Variants in PARM1 observed in about 807,000 individuals in gnomAD.
The protein encoded by PARM1 is WSC4, cell wall integrity and stress response component 4 homolog.
Under a neutral mutation model 24.6 loss-of-function variants are expected in PARM1, and 14 were observed. The observed-to-expected ratio is 0.57, with a 90% CI of 0.38 to 0.89. The LOEUF is 0.89. Among genes scored for constraint, PARM1 ranks in the 40% least tolerant of loss-of-function variants. The probability of loss-of-function intolerance (pLI) is 0.00; values close to 1 mark genes in which losing one functional copy is unlikely to be tolerated. For missense variants in PARM1, 362 were observed against 380.4 expected, an observed-to-expected ratio of 0.95 and a Z score of 0.40; for synonymous variants, 179 against 156.6, an observed-to-expected ratio of 1.14 and a Z score of -1.07.
Position 75,047,822 on chromosome 4 carries a change from G to A in PARM1, c.*1575G>A, listed in dbSNP as rs890289. 0.14 allele frequency: 20,838 copies of A among 152,076 alleles called. 2,062 individuals carry two copies. The highest frequency in any genetic ancestry group is 0.28 in the African/African-American group (11,468 of 41,422). The allele number at this position is 152,076 out of a possible 1,614,324, so 9.4% of individuals were successfully genotyped here. A position where few individuals can be genotyped will look rare whatever the true frequency, so the allele number is the denominator to read the frequency against. On this transcript the variant is annotated 3_prime_UTR_variant, in exon 4 of 4. Transcript: ENST00000307428. ...TATTTCCAAAGTGTTTAGTTTATTG[G>A]CTGATGGGTTGTTCTTGGTATGCAT...
rs1722612055 is a variant in PARM1 at position 74,998,236 on chromosome 4, G to A, written c.44-14189G>A. ...GAGGTTGGTTAACAAATGAAGCACC[G>A]AAGATGGTGTTTATGTGGCTGTGTG... On this transcript the variant is annotated intron_variant, in intron 1 of 3. Coordinates refer to ENST00000307428, the MANE Select transcript of PARM1 (RefSeq NM_015393.4). Among the ~76,000 whole-genome samples the A allele has an allele frequency of 2.0e-5, 3 of 152,262 alleles. No individual in the cohort carries two copies. In the South Asian group the frequency reaches 6.2e-4, roughly 32 times the overall value.
chr4:74,978,433 C>G (rs1033183595), intron 1 of PARM1, among the ~76,000 whole-genome samples: 1 of 152,054 alleles, frequency 6.6e-6, no homozygotes, highest in African/African-American at 2.4e-5. Flanking sequence ...ATATTTGCAC[C>G]CAATACAGGA....
chr4:75,005,685 G>A (rs927855404), intron 1 of PARM1, among the ~76,000 whole-genome samples: 1 of 152,180 alleles, frequency 6.6e-6, no homozygotes, highest in Non-Finnish European at 1.5e-5. Context: ...TATAATAGTG[G>A]TCTCCCCATA....
intron 2 of PARM1, among the ~76,000 whole-genome samples, chr4:75,013,766 T>C (rs1052633607): frequency 2.6e-5 from 4 of 152,226 alleles, no homozygotes; most frequent in African/African-American, 9.6e-5. Context: ...GGAAAGACAA[T>C]AAATTTTACA....
chr4:75,030,319 C>G (rs536485651), intron 2 of PARM1, among the ~76,000 whole-genome samples: 3 of 152,180 alleles, frequency 2.0e-5, no homozygotes, highest in Non-Finnish European at 4.4e-5. Context: ...CCTTAACTTC[C>G]TCATCTATAA....
chr4:74,984,475 A>T (rs1404097361), intron 1 of PARM1, among the ~76,000 whole-genome samples: 1 of 152,228 alleles, frequency 6.6e-6, no homozygotes, highest in African/African-American at 2.4e-5. Context: ...CATGTCGGGA[A>T]GCCTGACATA....
intron 2 of PARM1, among the ~76,000 whole-genome samples, chr4:75,028,193 T>TTC (rs1360603819): frequency 6.6e-6 from 1 of 152,232 alleles, no homozygotes; most frequent in African/African-American, 2.4e-5. Flanking sequence ...TGTCGTTGAT[T>TTC]TCTCCTGCTA....
chr4:75,025,352 G>A (rs147774733), intron 2 of PARM1, among the ~76,000 whole-genome samples: 353 of 152,298 alleles, frequency 2.3e-3, no homozygotes, highest in African/African-American at 8.2e-3. Flanking sequence ...GTTCTAAGGT[G>A]GAAGACAGCT....
intron 1 of PARM1, among the ~76,000 whole-genome samples, chr4:75,006,299 C>G (rs893990256): frequency 6.9e-6 from 1 of 144,080 alleles, no homozygotes; most frequent in Non-Finnish European, 1.5e-5. Flanking sequence ...CCCCTCCCCC[C>G]ACCCTACGGC....
chr4:74,934,103 G>A (rs781642506), intron 1 of PARM1, among the ~76,000 whole-genome samples: 2 of 152,130 alleles, frequency 1.3e-5, no homozygotes, highest in Admixed American at 6.5e-5. Flanking sequence ...CTCGGGTTTC[G>A]GGACCACAGA....
Position 74,984,641 on chromosome 4 carries a change from A to G in PARM1, c.44-27784A>G, listed in dbSNP as rs550606571. Among the ~76,000 whole-genome samples, 4 of 152,316 alleles carry G rather than the reference A, an allele frequency of 2.6e-5. No homozygotes were observed. The South Asian group carries it at 8.3e-4, about 32-fold the overall frequency. ...CCTTAGGCTTAGAGATTAACAAAATAAAAAAGCATTAAGTGTAAGAATAGC... is the reference window on the plus strand; with the variant it reads ...CCTTAGGCTTAGAGATTAACAAAATGAAAAAGCATTAAGTGTAAGAATAGC... On this transcript the variant is annotated intron_variant, in intron 1 of 3. Coordinates refer to ENST00000307428, the MANE Select transcript of PARM1 (RefSeq NM_015393.4).
intron 3 of PARM1, among the ~76,000 whole-genome samples, chr4:75,034,220 C>G (rs530886656): frequency 7.9e-5 from 12 of 152,218 alleles, no homozygotes; most frequent in African/African-American, 2.9e-4. Flanking sequence ...AACGTGGAGT[C>G]GGGAGACTGA....
At chr4:74,953,691 G>A (rs180783819) in intron 1 of PARM1, among the ~76,000 whole-genome samples, 70 of 152,348 alleles carry the variant, frequency 4.6e-4, no homozygotes, top group African/African-American at 1.6e-3. Flanking sequence ...TGGATGACCA[G>A]ACTTTTCCAT....
At chr4:74,942,889 A>G (rs1030454883) in intron 1 of PARM1, among the ~76,000 whole-genome samples, 1 of 152,172 alleles carries the variant, frequency 6.6e-6, no homozygotes, top group African/African-American at 2.4e-5. Flanking sequence ...TTAGAGTAAA[A>G]GCCAAAATCT....
intron 1 of PARM1, among the ~76,000 whole-genome samples, chr4:74,995,781 G>A (rs557581944): frequency 6.6e-6 from 1 of 152,268 alleles, no homozygotes; most frequent in East Asian, 1.9e-4. Context: ...GCCTCCAGAT[G>A]TGTCCTCTTC....
rs766726970 is a variant in PARM1 at position 75,013,071 on chromosome 4, G to T, written c.690G>T (p.Met230Ile). The change falls in exon 2 of 4, where the codon ATG (methionine) becomes ATT (isoleucine). Residue 230 changes from methionine to isoleucine, a missense_variant. Physicochemically the swap from Met to Ile is conservative, Grantham distance 10 (BLOSUM62 1). Coordinates refer to ENST00000307428, the MANE Select transcript of PARM1 (RefSeq NM_015393.4). ...TPPTTVSGKV[M>I]CELIDMETTT... ...CAACAACTGTGTCAGGCAAAGTGAT[G>T]TGTGAGCTCATAGACATGGAGACCA... is the stretch of plus-strand genomic sequence containing the variant. The T allele has an allele frequency of 1.9e-5, 31 of 1,613,888 alleles. No homozygotes were observed. Among genetic ancestry groups the T allele is most frequent in the Non-Finnish European group, 2.4e-5 (28 of 1,179,904 alleles).
chr4:74,961,186 A>C (rs916449895), intron 1 of PARM1, among the ~76,000 whole-genome samples: 2 of 152,190 alleles, frequency 1.3e-5, no homozygotes, highest in Non-Finnish European at 2.9e-5. Flanking sequence ...AGATTCAAAG[A>C]CAGCTTTGAG....
chr4:75,014,169 A>C (rs1205434593), intron 2 of PARM1, among the ~76,000 whole-genome samples: 2 of 152,168 alleles, frequency 1.3e-5, no homozygotes, highest in African/African-American at 4.8e-5. Flanking sequence ...ACTTTTAACA[A>C]ACAATTGATA....
At chr4:74,952,572 G>A (rs951819437) in intron 1 of PARM1, among the ~76,000 whole-genome samples, 1 of 152,192 alleles carries the variant, frequency 6.6e-6, no homozygotes, top group Non-Finnish European at 1.5e-5. Context: ...TTACGTTTAA[G>A]TCTTTAATCC....
Sources: gnomAD v4.1 joint callset for allele counts (sites outside exome capture counted in the v4.1 genomes callset) on GRCh38, gnomAD v4.1.1 for gene constraint, MANE v1.5 for transcripts, NCBI Gene and HGNC (gene_info 2026-07-23, HGNC 2026-07-21) for gene names.